RBFOX1: variants seen among roughly 807,000 people sequenced by gnomAD.
RBFOX1 encodes RNA binding protein fox-1 homolog 1.
A neutral mutation model predicts 57.7 loss-of-function variants in RBFOX1; 8 were observed. The ratio of observed to expected loss-of-function variants is 0.14; its 90% confidence interval spans 0.08 to 0.25. The LOEUF is 0.25. Among genes scored for constraint, RBFOX1 ranks in the 10% least tolerant of loss-of-function variants. The pLI is 1.00. For missense variants in RBFOX1, 611 were observed against 548.5 expected, an observed-to-expected ratio of 1.11 and a Z score of -1.14; for synonymous variants, 326 against 222.4, an observed-to-expected ratio of 1.47 and a Z score of -4.15.
At chr16:6,608,745 C>T (rs1375653821) in intron 2 of RBFOX1, among the ~76,000 whole-genome samples, 1 of 152,224 alleles carries the variant, frequency 6.6e-6, no homozygotes, top group African/African-American at 2.4e-5. Flanking sequence ...GCATTCTAAC[C>T]TGTGCATCAG....
At chr16:7,404,227 AT>A (rs1360628823) in intron 4 of RBFOX1, among the ~76,000 whole-genome samples, 2 of 151,758 alleles carry the variant, frequency 1.3e-5, no homozygotes, top group Non-Finnish European at 2.9e-5. Flanking sequence ...TAAGTTTTGT[AT>A]TTTTAGTACA....
chr16:7,444,643 C>G (rs1377741300), intron 4 of RBFOX1, among the ~76,000 whole-genome samples: 3 of 152,050 alleles, frequency 2.0e-5, no homozygotes, highest in Non-Finnish European at 4.4e-5. Context: ...AGTGATCCTT[C>G]TACCTTTGTC....
chr16:6,370,362 GAAAAAAAAAAA>G (rs71145221), intron 2 of RBFOX1, among the ~76,000 whole-genome samples: 5 of 81,978 alleles, frequency 6.1e-5, no homozygotes, highest in African/African-American at 2.4e-4. Flanking sequence ...CGTCTCAAAA[GAAAAAAAAAAA>G]AAAAAAAAAA....
intron 1 of RBFOX1, among the ~76,000 whole-genome samples, chr16:6,059,537 A>G (rs973804669): frequency 3.6e-4 from 55 of 152,286 alleles, no homozygotes; most frequent in Admixed American, 3.9e-4. Context: ...AGTGAAAATT[A>G]GTGTTTTAAA....
intron 4 of RBFOX1, among the ~76,000 whole-genome samples, chr16:5,906,160 G>A (rs1220551425): frequency 6.6e-6 from 1 of 152,146 alleles, no homozygotes; most frequent in Non-Finnish European, 1.5e-5. Flanking sequence ...GCCTCCCCCA[G>A]ACTGGTGAAG....
chr16:5,957,341 AG>A (rs1202173290), intron 4 of RBFOX1, among the ~76,000 whole-genome samples: 1 of 151,888 alleles, frequency 6.6e-6, no homozygotes, highest in East Asian at 1.9e-4. Context: ...CAGCCTCCCG[AG>A]TAGCTGGGAT....
chr16:7,521,871 C>T (rs2077578061), intron 5 of RBFOX1, among the ~76,000 whole-genome samples: 1 of 152,172 alleles, frequency 6.6e-6, no homozygotes, highest in African/African-American at 2.4e-5. Context: ...GGAACGTGTC[C>T]ATCAGCTTCT....
At chr16:5,432,242 G>T (rs1338777742) in intron 1 of RBFOX1, among the ~76,000 whole-genome samples, 1 of 152,104 alleles carries the variant, frequency 6.6e-6, no homozygotes, top group East Asian at 1.9e-4. Flanking sequence ...AATCAAATCG[G>T]CCTGTAAAAA....
rs1491558284 is a variant in RBFOX1, at chr16:7,062,892, C to CTTTTTTTTTT, written c.27+10794_27+10795insTTTTTTTTTT. ...TACCTCATCTCATTCAAATGATCGCCATTTTTTTTTTTTTTTTTTTTTTTT... is the reference window on the plus strand; with the variant it reads ...TACCTCATCTCATTCAAATGATCGCCTTTTTTTTTTATTTTTTTTTTTTTTTTTTTTTTTT... On this transcript the variant is annotated intron_variant, in intron 4 of 15. Transcript: ENST00000550418. 2.5e-4 allele frequency among the ~76,000 whole-genome samples: 15 copies of CTTTTTTTTTT among 59,946 alleles called. 3 individuals are homozygous for CTTTTTTTTTT. The highest frequency in any genetic ancestry group is 6.6e-4 in the East Asian group (1 of 1,520). 39.3% of individuals were successfully genotyped at this position (59,946 alleles called of 152,430 possible).
chr16:5,522,516 C>G (rs76477926), intron 2 of RBFOX1, among the ~76,000 whole-genome samples: 6,694 of 152,274 alleles, frequency 0.044, 506 homozygotes, highest in African/African-American at 0.15. Context: ...CCCATTACCT[C>G]AAACATTTAT....
At chr16:5,572,536 TGAC>T (rs1313635538) in intron 2 of RBFOX1, among the ~76,000 whole-genome samples, 2 of 152,162 alleles carry the variant, frequency 1.3e-5, no homozygotes, top group Admixed American at 1.3e-4. Flanking sequence ...TCCCCAGTCA[TGAC>T]AACCAGAATC....
At chr16:6,586,504 A>G (rs954148850) in intron 2 of RBFOX1, among the ~76,000 whole-genome samples, 22 of 152,152 alleles carry the variant, frequency 1.4e-4, no homozygotes, top group African/African-American at 5.1e-4. Context: ...GGCCTTAAGG[A>G]AAAAAACAGT....
At chr16:6,555,266 C>G (rs1338332321) in intron 2 of RBFOX1, among the ~76,000 whole-genome samples, 3 of 152,168 alleles carry the variant, frequency 2.0e-5, no homozygotes, top group African/African-American at 7.2e-5. Flanking sequence ...TAATTAATTT[C>G]CTTTCACCCA....
chr16:6,937,159 G>A (rs1290459905), intron 3 of RBFOX1, among the ~76,000 whole-genome samples: 1 of 152,066 alleles, frequency 6.6e-6, no homozygotes, highest in African/African-American at 2.4e-5. Flanking sequence ...TATCAAAAAT[G>A]ATATTTTTTT....
chr16:5,260,371 G>C (rs527297806), intron 1 of RBFOX1, among the ~76,000 whole-genome samples: 21 of 152,218 alleles, frequency 1.4e-4, no homozygotes, highest in East Asian at 9.6e-4. Flanking sequence ...TATGCACAAA[G>C]ATGGCTAGAG....
At chr16:5,409,019 G>A (rs779701433) in intron 1 of RBFOX1, among the ~76,000 whole-genome samples, 1 of 152,200 alleles carries the variant, frequency 6.6e-6, no homozygotes, top group African/African-American at 2.4e-5. Context: ...GTATCGGCGG[G>A]TGAAACCTGT....
intron 4 of RBFOX1, among the ~76,000 whole-genome samples, chr16:7,498,771 C>G (rs1251761519): frequency 3.3e-5 from 5 of 152,150 alleles, no homozygotes; most frequent in Admixed American, 1.3e-4. Context: ...CAAGGTGAAA[C>G]TACAATGCTT....
intron 3 of RBFOX1, among the ~76,000 whole-genome samples, chr16:5,768,411 C>T (rs987460279): frequency 6.6e-6 from 1 of 152,282 alleles, no homozygotes; most frequent in South Asian, 2.1e-4. Flanking sequence ...TTCAACATGA[C>T]CTCACTGTTT....
At chr16:5,265,963 A>G (rs1443704564) in intron 1 of RBFOX1, among the ~76,000 whole-genome samples, 1 of 152,112 alleles carries the variant, frequency 6.6e-6, no homozygotes, top group Non-Finnish European at 1.5e-5. Context: ...AGCCCAGCAG[A>G]TGCCATTTCA....
Sources: allele counts gnomAD v4.1 joint callset (sites outside exome capture counted in the v4.1 genomes callset), GRCh38; gene constraint gnomAD v4.1.1; transcripts MANE v1.5; gene names NCBI Gene and HGNC (gene_info 2026-07-23, HGNC 2026-07-21).